SEC63: variants seen among roughly 807,000 people sequenced by gnomAD.
SEC63 encodes the protein translocation protein SEC63 homolog.
In SEC63, 56 loss-of-function variants were observed where a neutral mutation model predicts 116.2. The observed-to-expected ratio is 0.48, with a 90% CI of 0.39 to 0.60. SEC63 has a LOEUF of 0.60. Among genes scored for constraint, SEC63 ranks in the 20% least tolerant of loss-of-function variants. The pLI is 0.00. For synonymous variants in SEC63, 273 were observed against 294.6 expected, an observed-to-expected ratio of 0.93 and a Z score of 0.75; for missense variants, 668 against 900.0, an observed-to-expected ratio of 0.74 and a Z score of 3.30.
intron 1 of SEC63, chr6:107,955,876 C>T (rs1770700740): frequency 4.8e-6 from 1 of 210,176 alleles, no homozygotes; most frequent in African/African-American, 2.4e-5. Context: ...GAGTGAGACT[C>T]TGTCTCTAAA....
chr6:107,884,283 C>T (rs1326058690), intron 16 of SEC63, among the ~76,000 whole-genome samples: 1 of 143,476 alleles, frequency 7.0e-6, no homozygotes, highest in African/African-American at 2.6e-5. Context: ...GAGAGAGATA[C>T]AGAAAAAGAA....
intron 4 of SEC63, among the ~76,000 whole-genome samples, chr6:107,915,186 A>G (rs556398683): frequency 7.9e-5 from 12 of 152,326 alleles, no homozygotes; most frequent in Admixed American, 6.5e-4. Context: ...ATTTTTGAAA[A>G]TTCAGTGAGT....
chr6:107,885,859 GT>G (rs200601075), intron 16 of SEC63, among the ~76,000 whole-genome samples: 1 of 150,970 alleles, frequency 6.6e-6, no homozygotes, highest in Non-Finnish European at 1.5e-5. Flanking sequence ...ATCATCTGTT[GT>G]TTTTTTTTAA....
Position 107,869,972 on chromosome 6 carries a change from G to A in SEC63, c.*1732C>T, listed in dbSNP as rs1337416854. ...AAATATGCATTCTACACATTGTTCT[G>A]TCTTGTCTGCTCAGTTTCCTTGCCT... On this transcript the variant is annotated 3_prime_UTR_variant, in exon 21 of 21. Coordinates refer to ENST00000369002, the MANE Select transcript of SEC63 (RefSeq NM_007214.5). 3 of 151,852 alleles carry A rather than the reference G, an allele frequency of 2.0e-5. No homozygotes were observed. Among genetic ancestry groups the A allele is most frequent in the South Asian group, 2.1e-4 (1 of 4,808 alleles). 9.4% of individuals were successfully genotyped at this position (151,852 alleles called of 1,614,324 possible).
intron 4 of SEC63, among the ~76,000 whole-genome samples, chr6:107,916,790 A>G (rs1204324562): frequency 6.6e-6 from 1 of 152,202 alleles, no homozygotes; most frequent in East Asian, 1.9e-4. Context: ...CTGCAGAAGA[A>G]AAAGAACTTA....
intron 13 of SEC63, 62 bp downstream of exon 13, chr6:107,901,308 A>G: frequency 6.6e-7 from 1 of 1,518,360 alleles, no homozygotes; most frequent in Non-Finnish European, 9.1e-7. Context: ...TCCTGAGTCA[A>G]ATAAATGAGA....
Position 107,869,386 on chromosome 6 carries a change from T to C in SEC63, c.*2318A>G, listed in dbSNP as rs1320920494. ...GTATTTTAATAGGTACTTTACCAATTAGAGAAAAATATCACATAATTTAAC... is the reference window on the plus strand; with the variant it reads ...GTATTTTAATAGGTACTTTACCAATCAGAGAAAAATATCACATAATTTAAC... On this transcript the variant is annotated 3_prime_UTR_variant, in exon 21 of 21. Transcript: ENST00000369002. The C allele has an allele frequency of 6.6e-6, 1 of 152,212 alleles. No individual in the cohort carries two copies. The highest frequency in any genetic ancestry group is 2.4e-5 in the African/African-American group (1 of 41,456). The allele number at this position is 152,212 out of a possible 1,614,324, so 9.4% of individuals were successfully genotyped here.
At chr6:107,904,080 T>G (rs1254437264) in intron 11 of SEC63, among the ~76,000 whole-genome samples, 1 of 142,568 alleles carries the variant, frequency 7.0e-6, no homozygotes, top group South Asian at 2.2e-4. Context: ...ATCGCGCCAC[T>G]GCACTCCAGC....
At chr6:107,918,259 T>G (rs1013509105) in intron 4 of SEC63, among the ~76,000 whole-genome samples, 1 of 147,326 alleles carries the variant, frequency 6.8e-6, no homozygotes, top group Non-Finnish European at 1.5e-5. Flanking sequence ...AAAAAAAAAA[T>G]GATTCCTTTC....
chr6:107,895,661 C>G lies in SEC63; in HGVS notation c.1441-1764G>C, dbSNP rs1016483983. Reference sequence around the variant, plus strand: ...CTCAGAGAAAGAAGCTAAAATCTACCACTAGTTGAATAAATTGAGTCAAAA... The same window carrying G: ...CTCAGAGAAAGAAGCTAAAATCTACGACTAGTTGAATAAATTGAGTCAAAA... On this transcript the variant is annotated intron_variant, in intron 14 of 20. Coordinates refer to ENST00000369002, the MANE Select transcript of SEC63 (RefSeq NM_007214.5). Among the ~76,000 whole-genome samples, 6 of 152,070 alleles carry G rather than the reference C, an allele frequency of 3.9e-5. No homozygotes were observed. In the East Asian group the frequency reaches 1.2e-3, roughly 29 times the overall value.
At chr6:107,874,748 T>A (rs1429675800) in intron 19 of SEC63, among the ~76,000 whole-genome samples, 1 of 152,102 alleles carries the variant, frequency 6.6e-6, no homozygotes, top group African/African-American at 2.4e-5. Context: ...TGATCATGGC[T>A]CATTGCAGCT....
In SEC63 at chr6:107,883,389, T is replaced by C. The variant is rs1365715911; in HGVS notation, c.1675-243A>G. 6.5e-6 allele frequency: 3 copies of C among 463,232 alleles called. No individual in the cohort carries two copies. The Admixed American group carries it at 1.1e-4, about 17-fold the overall frequency. 28.7% of individuals were successfully genotyped at this position (463,232 alleles called of 1,614,324 possible). ...TATTTTATTCATTCTTCATAATTTG[T>C]CAAATAAAAGTATTTCTATTTGCAA... On this transcript the variant is annotated intron_variant, in intron 16 of 20. Transcript: ENST00000369002.
chr6:107,906,389 T>C, intron 10 of SEC63, 59 bp downstream of exon 10: 1 of 1,564,590 alleles, frequency 6.4e-7, no homozygotes, highest in Non-Finnish European at 8.8e-7. Flanking sequence ...CCATTAAGTC[T>C]AATTAATTCT....
intron 20 of SEC63, 56 bp from the exon 21 acceptor site, chr6:107,871,903 A>C (rs1786143361): frequency 1.3e-6 from 2 of 1,579,240 alleles, no homozygotes; most frequent in Non-Finnish European, 1.7e-6. Flanking sequence ...TAATGGAAGA[A>C]ATCTTGGTAA....
chr6:107,874,576 A>G (rs551695189), intron 19 of SEC63, among the ~76,000 whole-genome samples: 3 of 146,284 alleles, frequency 2.1e-5, no homozygotes, highest in Non-Finnish European at 4.5e-5. Context: ...AGCCTGGGCG[A>G]CACAGTGAGA....
chr6:107,916,783 C>A (rs1254898581), intron 4 of SEC63, among the ~76,000 whole-genome samples: 2 of 152,186 alleles, frequency 1.3e-5, no homozygotes, highest in African/African-American at 2.4e-5. Flanking sequence ...ACTGCACCTG[C>A]AGAAGAAAAA....
intron 16 of SEC63, among the ~76,000 whole-genome samples, chr6:107,891,298 G>A (rs769022639): frequency 7.3e-5 from 11 of 151,372 alleles, no homozygotes; most frequent in African/African-American, 9.7e-5. Context: ...TTGTTTTCTC[G>A]CTTTATTTCA....
At chr6:107,897,155 C>A (rs1195686917) in intron 14 of SEC63, among the ~76,000 whole-genome samples, 1 of 152,096 alleles carries the variant, frequency 6.6e-6, no homozygotes, top group Non-Finnish European at 1.5e-5. Flanking sequence ...CGAATCATCT[C>A]GAAGTGGTGG....
intron 8 of SEC63, among the ~76,000 whole-genome samples, chr6:107,908,332 T>C (rs1562324450): frequency 2.2e-5 from 1 of 45,266 alleles, no homozygotes; most frequent in Admixed American, 2.6e-4. Context: ...AAAGTGAAAA[T>C]AGTATTTTTT....
Sources: allele counts gnomAD v4.1 joint callset (sites outside exome capture counted in the v4.1 genomes callset), GRCh38; gene constraint gnomAD v4.1.1; transcripts MANE v1.5; gene names NCBI Gene and HGNC (gene_info 2026-07-23, HGNC 2026-07-21).